The following U2AF2 variants were observed in gnomAD, a reference collection of about 807,000 sequenced individuals.
The protein encoded by U2AF2 is U2 small nuclear RNA auxiliary factor 2, also known as splicing factor U2AF 65 kDa subunit.
In U2AF2, 6 loss-of-function variants were observed where a neutral mutation model predicts 52.6. The observed-to-expected ratio is 0.11, with a 90% confidence interval of 0.06 to 0.23. The LOEUF (loss-of-function observed/expected upper bound fraction) is 0.23, where lower values mean the gene tolerates loss of function less well. Among genes scored for constraint, U2AF2 ranks in the 10% least tolerant of loss-of-function variants. The pLI is 1.00. For synonymous variants in U2AF2, 284 were observed against 258.2 expected, an observed-to-expected ratio of 1.10 and a Z score of -0.96; for missense variants, 222 against 677.1, an observed-to-expected ratio of 0.33 and a Z score of 7.46.
intron 2 of U2AF2, 29 bp from the exon 3 acceptor site, chr19:55,660,148 T>TC: frequency 2.6e-5 from 38 of 1,481,738 alleles, no homozygotes; most frequent in South Asian, 4.8e-5. Context: ...CAGTCACCCC[T>TC]CCCCATACCT....
chr19:55,659,913 C>T (rs1208059641), intron 2 of U2AF2, among the ~76,000 whole-genome samples: 1 of 152,140 alleles, frequency 6.6e-6, no homozygotes, highest in Non-Finnish European at 1.5e-5. Context: ...GGCGGAAGTC[C>T]TCCTGCCTCC....
At chr19:55,662,237 C>T in intron 5 of U2AF2, 4 of 376,034 alleles carry the variant, frequency 1.1e-5, no homozygotes, top group Non-Finnish European at 9.7e-6. Flanking sequence ...TTTGGGGCCC[C>T]TGTGGCTGTC....
rs1273558572 is a variant in U2AF2, at chr19:55,668,774, C to T, written c.927C>T (p.Asp309=). 2 of 1,612,946 alleles carry T rather than the reference C, an allele frequency of 1.2e-6. No homozygotes were observed. Among genetic ancestry groups the T allele is most frequent in the Non-Finnish European group, 1.7e-6 (2 of 1,179,308 alleles). The change falls in exon 9 of 12, where the codon GAC becomes GAT. Residue 309 remains aspartate, a synonymous_variant. Transcript: ENST00000308924. The surrounding 1 kb of genome is among the most constrained non-coding windows in gnomAD (Gnocchi z 5.5). ...SKGYAFCEYV[D]INVTDQAIAG... ...GCTACGCCTTCTGTGAGTACGTGGA[C>T]ATCAACGTCACGGATCAGGTGAGTC...
chr19:55,663,450 T>C (rs1984347488), intron 6 of U2AF2, among the ~76,000 whole-genome samples, 156 bp from the exon 7 acceptor site: 1 of 152,182 alleles, frequency 6.6e-6, no homozygotes, highest in Non-Finnish European at 1.5e-5. Context: ...AGCAGGGACA[T>C]GCGTGTCTGT....
intron 2 of U2AF2, 77 bp from the exon 3 acceptor site, chr19:55,660,100 C>CTT (rs1984070131): frequency 6.8e-7 from 1 of 1,463,396 alleles, no homozygotes; most frequent in South Asian, 1.2e-5. Flanking sequence ...GCTCAGTGCC[C>CTT]TTGGGGGGGT....
chr19:55,664,083 G>A (rs915752354), intron 7 of U2AF2: 27 of 253,748 alleles, frequency 1.1e-4, no homozygotes, highest in African/African-American at 5.8e-4. Context: ...CTCAGTCTGT[G>A]CCCGTCGGGG....
At chr19:55,665,058 C>G (rs955826372) in intron 7 of U2AF2, among the ~76,000 whole-genome samples, 2 of 152,186 alleles carry the variant, frequency 1.3e-5, no homozygotes, top group African/African-American at 4.8e-5. Flanking sequence ...TTCAGCTAAC[C>G]TTTTGGAGCC....
chr19:55,657,457 A>G (rs1052679399), intron 1 of U2AF2, among the ~76,000 whole-genome samples: 32 of 151,996 alleles, frequency 2.1e-4, no homozygotes, highest in African/African-American at 5.6e-4. Context: ...TTCCTTGTCT[A>G]TATCCCAGGC....
In U2AF2 at chr19:55,668,883, G is replaced by A. The variant is rs1984706656; in HGVS notation, c.945+91G>A. The A allele has an allele frequency of 1.9e-6, 3 of 1,545,110 alleles. No homozygotes were observed. In the African/African-American group the frequency reaches 4.1e-5, roughly 21 times the overall value. On this transcript the variant is annotated intron_variant, in intron 9 of 11. Coordinates refer to ENST00000308924, the MANE Select transcript of U2AF2 (RefSeq NM_007279.3). The surrounding 1 kb of genome is among the most constrained non-coding windows in gnomAD (Gnocchi z 5.5). The stretch of plus-strand genomic sequence containing the variant: ...TGGTCTCCCCTCCTCAGGGGACGGG[G>A]CGGGAGGCGGCCAACCTGAGGCAGT...
intron 6 of U2AF2, among the ~76,000 whole-genome samples, chr19:55,663,096 T>G (rs1436745780): frequency 6.6e-6 from 1 of 152,152 alleles, no homozygotes; most frequent in Non-Finnish European, 1.5e-5. Context: ...GACTGATAAC[T>G]CTCATGAAGT....
intron 1 of U2AF2, among the ~76,000 whole-genome samples, chr19:55,656,554 A>G (rs760417894): frequency 6.6e-6 from 1 of 152,232 alleles, no homozygotes; most frequent in Non-Finnish European, 1.5e-5. Context: ...GAGAAGATTA[A>G]AAAGGATGAT....
chr19:55,666,203 G>C (rs1984540663), intron 7 of U2AF2, among the ~76,000 whole-genome samples: 1 of 152,218 alleles, frequency 6.6e-6, no homozygotes, highest in African/African-American at 2.4e-5. Context: ...AAGATGGCCT[G>C]GTCACCATGG....
rs138890154 is a variant in U2AF2 at position 55,655,366 on chromosome 19, A to G, written c.49+213A>G. Among the ~76,000 whole-genome samples the G allele has an allele frequency of 6.1e-3, 925 of 152,196 alleles. 7 individuals are homozygous for G. The highest frequency in any genetic ancestry group is 0.021 in the African/African-American group (852 of 41,518). Reference sequence around the variant, plus strand: ...GGGGGCGGCGGGGCGCGGGCCCGTGACGCATGCGCACGGCGGCTGTCCCTG... The same window carrying G: ...GGGGGCGGCGGGGCGCGGGCCCGTGGCGCATGCGCACGGCGGCTGTCCCTG... On this transcript the variant is annotated intron_variant, in intron 1 of 11. Coordinates refer to ENST00000308924, the MANE Select transcript of U2AF2 (RefSeq NM_007279.3).
At chr19:55,659,188 C>A (rs1983991704) in intron 1 of U2AF2, 22 bp from the exon 2 acceptor site, 1 of 1,529,700 alleles carries the variant, frequency 6.5e-7, no homozygotes, top group Admixed American at 2.0e-5. Context: ...TATCCCGTGC[C>A]CCTCCTCTCA....
chr19:55,662,762 C>T (rs1016225733), intron 6 of U2AF2, 144 bp downstream of exon 6: 3 of 700,400 alleles, frequency 4.3e-6, no homozygotes, highest in African/African-American at 1.8e-5. Flanking sequence ...GAAGTGAGCC[C>T]TGTTATAGCA....
Position 55,668,426 on chromosome 19 carries a change from TGAG to T in U2AF2, c.743-77_743-75del, listed in dbSNP as rs1023675210. ...GGCAGGAAGTGTTCTCTTTGGCAAT[TGAG>T]GAGCTCGCCGTAGACTGTCCAGGTT... is the stretch of plus-strand genomic sequence containing the variant. On this transcript the variant is annotated intron_variant, in intron 7 of 11. Transcript: ENST00000308924. This position sits in a 1 kb window ranked among gnomAD's most constrained non-coding sequence, Gnocchi z 5.5. 8.7e-6 allele frequency: 12 copies of T among 1,382,006 alleles called. No homozygotes were observed. Among genetic ancestry groups the T allele is most frequent in the East Asian group, 2.4e-5 (1 of 41,996 alleles). 85.6% of individuals were successfully genotyped at this position (1,382,006 alleles called of 1,614,324 possible).
intron 11 of U2AF2, among the ~76,000 whole-genome samples, chr19:55,673,131 C>T (rs1985030073): frequency 1.3e-5 from 2 of 151,298 alleles, no homozygotes; most frequent in Admixed American, 6.6e-5. Flanking sequence ...GTTGGCCATG[C>T]TGGTCTTGAA....
chr19:55,665,219 C>G (rs1984472415), intron 7 of U2AF2, among the ~76,000 whole-genome samples: 2 of 152,270 alleles, frequency 1.3e-5, no homozygotes, highest in South Asian at 4.1e-4. Context: ...TGGCCCGCCA[C>G]TTGCTGGTGC....
chr19:55,673,009 C>G (rs1985020101), intron 11 of U2AF2, among the ~76,000 whole-genome samples: 1 of 151,220 alleles, frequency 6.6e-6, no homozygotes, highest in East Asian at 1.9e-4. Flanking sequence ...GTGGCGCAAT[C>G]TCGGCTCACT....
Sources: gnomAD v4.1 joint callset for allele counts (sites outside exome capture counted in the v4.1 genomes callset) on GRCh38, gnomAD v4.1.1 for gene constraint, Gnocchi (gnomAD v3.1) non-coding constraint, MANE v1.5 for transcripts, NCBI Gene and HGNC (gene_info 2026-07-23, HGNC 2026-07-21) for gene names.